DAB1: variants seen among roughly 807,000 people sequenced by gnomAD.
The protein encoded by DAB1 is disabled homolog 1.
DAB1 carries 15 observed loss-of-function variants against 64.6 expected under a neutral mutation model. That is an observed-to-expected ratio of 0.23 (90% CI 0.16 to 0.36). DAB1 has a LOEUF of 0.36. Among genes scored for constraint, DAB1 ranks in the 10% least tolerant of loss-of-function variants. The pLI, the probability that DAB1 is intolerant of heterozygous loss-of-function variation, is 1.00. For synonymous variants in DAB1, 235 were observed against 251.9 expected (o/e 0.93, Z 0.64); for missense variants, 596 against 706.7 (o/e 0.84, Z 1.78).
chr1:57,411,885 T>C (rs1684141968), intron 1 of DAB1, among the ~76,000 whole-genome samples: 1 of 152,200 alleles, frequency 6.6e-6, no homozygotes, highest in Admixed American at 6.5e-5. Context: ...ATACCTACTT[T>C]TATTGTACTT....
intron 5 of DAB1, among the ~76,000 whole-genome samples, chr1:58,147,662 C>T (rs1654681042): frequency 6.6e-6 from 1 of 151,704 alleles, no homozygotes; most frequent in Non-Finnish European, 1.5e-5. Context: ...AGAGGCTTCT[C>T]AAAAAAACAA....
chr1:57,320,496 C>G (rs2100762689), intron 1 of DAB1, among the ~76,000 whole-genome samples: 1 of 152,242 alleles, frequency 6.6e-6, no homozygotes, highest in South Asian at 2.1e-4. Context: ...GACATGCATT[C>G]CCCCAAGTCT....
chr1:58,510,567 G>T (rs1249871108), intron 2 of DAB1, among the ~76,000 whole-genome samples: 4 of 151,980 alleles, frequency 2.6e-5, no homozygotes, highest in South Asian at 2.1e-4. Context: ...TAGGAACAAG[G>T]CAAGAATGAC....
intron 5 of DAB1, among the ~76,000 whole-genome samples, chr1:58,000,711 C>G (rs542713124): frequency 1.3e-5 from 2 of 151,878 alleles, no homozygotes; most frequent in South Asian, 4.2e-4. Flanking sequence ...GGTAGGATTA[C>G]AGGCATGTGC....
chr1:57,579,993 T>C (rs888122821), intron 7 of DAB1, among the ~76,000 whole-genome samples: 5 of 152,056 alleles, frequency 3.3e-5, no homozygotes, highest in Admixed American at 1.3e-4. Flanking sequence ...AGAGACTTCA[T>C]TGTGGTTTCT....
At chr1:58,492,060 C>G (rs901639215) in intron 3 of DAB1, among the ~76,000 whole-genome samples, 1 of 152,314 alleles carries the variant, frequency 6.6e-6, no homozygotes, top group East Asian at 1.9e-4. Flanking sequence ...GTATAACAAA[C>G]TGTCTCTCAG....
At position 58,336,048 on chromosome 1, in the gene DAB1, C is replaced by A. The variant is rs377620523; in HGVS notation, n.309+7304G>T. Reference sequence around the variant, plus strand: ...GCCATGGAACAGAATAAACCACCCCCCAAGAGGAATGTGGACCAAGAAGAG... The same window carrying A: ...GCCATGGAACAGAATAAACCACCCCACAAGAGGAATGTGGACCAAGAAGAG... On this transcript the variant is annotated intron_variant and non_coding_transcript_variant, in intron 4 of 20. Transcript: ENST00000485760. Among the ~76,000 whole-genome samples, 40 of 152,280 alleles carry A rather than the reference C, an allele frequency of 2.6e-4. No individual in the cohort carries two copies. In the South Asian group the frequency reaches 8.1e-3, roughly 31 times the overall value.
chr1:57,854,028 G>C (rs1359308219), intron 1 of DAB1, among the ~76,000 whole-genome samples: 2 of 152,068 alleles, frequency 1.3e-5, no homozygotes, highest in Non-Finnish European at 2.9e-5. Context: ...AATATTAAAT[G>C]CCTCTATGCT....
intron 7 of DAB1, among the ~76,000 whole-genome samples, chr1:57,535,479 T>TC (rs1283289435): frequency 6.6e-6 from 1 of 150,882 alleles, no homozygotes; most frequent in Non-Finnish European, 1.5e-5. Context: ...TCTTTTTTTT[T>TC]TTTTTTTTGG....
At chr1:58,111,207 C>T (rs1233374908) in intron 5 of DAB1, among the ~76,000 whole-genome samples, 4 of 152,238 alleles carry the variant, frequency 2.6e-5, no homozygotes, top group Non-Finnish European at 4.4e-5. Flanking sequence ...TTCTTCCAGA[C>T]TCTGCTTCCA....
At chr1:58,180,466 A>T (rs906484832) in intron 4 of DAB1, among the ~76,000 whole-genome samples, 4 of 150,986 alleles carry the variant, frequency 2.6e-5, no homozygotes, top group Non-Finnish European at 3.0e-5. Flanking sequence ...ATAATTTTTT[A>T]AAATTTTTCA....
chr1:57,282,292 C>T (rs567429075), intron 2 of DAB1, among the ~76,000 whole-genome samples: 9 of 150,676 alleles, frequency 6.0e-5, no homozygotes, highest in Admixed American at 1.3e-4. Context: ...AAGGTGAAAT[C>T]GCAGTCTGCA....
chr1:57,089,278 T>A (rs1406259488), intron 4 of DAB1, among the ~76,000 whole-genome samples: 1 of 152,188 alleles, frequency 6.6e-6, no homozygotes, highest in Non-Finnish European at 1.5e-5. Context: ...CTAGAACGTA[T>A]CCTGGTACAA....
chr1:57,969,299 C>G (rs946492708), intron 5 of DAB1, among the ~76,000 whole-genome samples: 4 of 151,972 alleles, frequency 2.6e-5, no homozygotes, highest in African/African-American at 9.7e-5. Flanking sequence ...ACTTTTAGAG[C>G]TTCACAAATG....
At chr1:57,680,688 G>C (rs1456640832) in intron 6 of DAB1, among the ~76,000 whole-genome samples, 1 of 152,118 alleles carries the variant, frequency 6.6e-6, no homozygotes, top group African/African-American at 2.4e-5. Flanking sequence ...TTCATCTTAA[G>C]GTCAGCTGTT....
At chr1:58,187,518 G>T (rs761172585) in intron 4 of DAB1, among the ~76,000 whole-genome samples, 3 of 150,288 alleles carry the variant, frequency 2.0e-5, no homozygotes, top group Non-Finnish European at 3.0e-5. Context: ...GGAAAATTCT[G>T]CTAAATACAT....
At chr1:57,778,256 CTTA>C (rs977639751) in intron 6 of DAB1, among the ~76,000 whole-genome samples, 36 of 151,932 alleles carry the variant, frequency 2.4e-4, no homozygotes, top group South Asian at 4.2e-4. Context: ...ATTTCTGGAG[CTTA>C]TTGTCTGTAC....
At chr1:58,426,229 T>C (rs1171304412) in intron 3 of DAB1, among the ~76,000 whole-genome samples, 1 of 152,130 alleles carries the variant, frequency 6.6e-6, no homozygotes, top group African/African-American at 2.4e-5. Flanking sequence ...CTCAGACAGT[T>C]TCTTGATCTC....
At chr1:58,074,476 C>T (rs1394073135) in intron 5 of DAB1, 2 of 139,000 alleles carry the variant, frequency 1.4e-5, no homozygotes, top group African/African-American at 5.2e-5. Context: ...AAAGAATTAT[C>T]TCTGAAGTGG....
Sources: allele counts gnomAD v4.1 joint callset (sites outside exome capture counted in the v4.1 genomes callset), GRCh38; gene constraint gnomAD v4.1.1; transcripts MANE v1.5; gene names NCBI Gene and HGNC (gene_info 2026-07-23, HGNC 2026-07-21).